MSMB: variants seen among roughly 807,000 people sequenced by gnomAD.
MSMB encodes the protein beta-microseminoprotein.
MSMB carries 10 observed loss-of-function variants against 10.5 expected under a neutral mutation model. The ratio of observed to expected loss-of-function variants is 0.95; its 90% CI spans 0.59 to 1.62. The LOEUF (loss-of-function observed/expected upper bound fraction) is 1.62, where lower values mean the gene tolerates loss of function less well. Ranked by LOEUF, MSMB falls within the 40% of genes most tolerant of loss-of-function variation. The pLI, the probability that MSMB is intolerant of heterozygous loss-of-function variation, is 0.00. For missense variants in MSMB, 126 were observed against 137.4 expected (o/e 0.92, Z 0.42); for synonymous variants, 43 against 46.5 (o/e 0.93, Z 0.30).
intron 3 of MSMB, among the ~76,000 whole-genome samples, chr10:46,038,308 GAC>G (rs1269126619): frequency 6.7e-6 from 1 of 149,062 alleles, no homozygotes; most frequent in African/African-American, 2.5e-5. Context: ...TTTTTTTTTA[GAC>G]ACAGTCTCGC....
chr10:46,043,835 T>G (rs1356763369), intron 1 of MSMB, among the ~76,000 whole-genome samples: 1 of 152,074 alleles, frequency 6.6e-6, no homozygotes, highest in Non-Finnish European at 1.5e-5. Context: ...CCACCACACC[T>G]GGCTAATTTT....
Position 46,046,222 on chromosome 10 carries a change from A to G in MSMB, c.3+13T>C. The G allele has an allele frequency of 6.2e-7, 1 of 1,610,960 alleles. No individual in the cohort carries two copies. Among genetic ancestry groups the G allele is most frequent in the Admixed American group, 1.7e-5 (1 of 60,006 alleles). On this transcript the variant is annotated intron_variant, in intron 1 of 3. Transcript: ENST00000582163. ...TGCTTTTCTAGCCTTTATATATAAA[A>G]CCAGTTACCTACCATTGTGATAAGC...
intron 1 of MSMB, among the ~76,000 whole-genome samples, chr10:46,041,037 G>A (rs1207507116): frequency 5.3e-5 from 8 of 151,754 alleles, no homozygotes; most frequent in Non-Finnish European, 1.2e-4. Flanking sequence ...CCTGATTATA[G>A]ACTCACAAGT....
intron 1 of MSMB, among the ~76,000 whole-genome samples, chr10:46,040,527 C>G (rs888190846): frequency 2.6e-5 from 4 of 152,190 alleles, no homozygotes; most frequent in Admixed American, 2.0e-4. Context: ...TAGCCAAATG[C>G]CCAACAGGCC....
chr10:46,043,971 A>G (rs892470304), intron 1 of MSMB, among the ~76,000 whole-genome samples: 1 of 151,514 alleles, frequency 6.6e-6, no homozygotes, highest in Non-Finnish European at 1.5e-5. Flanking sequence ...CACCGCGCCC[A>G]ACCAGACAGC....
chr10:46,044,380 T>C (rs937986765), intron 1 of MSMB, among the ~76,000 whole-genome samples: 3 of 149,880 alleles, frequency 2.0e-5, no homozygotes, highest in Admixed American at 1.3e-4. Context: ...ATCGAGACCA[T>C]CCTGGCTAAC....
intron 3 of MSMB, among the ~76,000 whole-genome samples, chr10:46,037,936 C>T (rs1181397029): frequency 1.3e-5 from 2 of 152,146 alleles, no homozygotes; most frequent in Non-Finnish European, 2.9e-5. Context: ...ATGATTCAGC[C>T]TCGAACAAGA....
chr10:46,043,347 A>C (rs782725116), intron 1 of MSMB, among the ~76,000 whole-genome samples: 1 of 152,082 alleles, frequency 6.6e-6, no homozygotes, highest in African/African-American at 2.4e-5. Flanking sequence ...CAAATTATTT[A>C]ATTTTGAGAT....
chr10:46,040,343 A>G (rs1229220392), intron 1 of MSMB, among the ~76,000 whole-genome samples: 1 of 152,180 alleles, frequency 6.6e-6, no homozygotes, highest in Non-Finnish European at 1.5e-5. Flanking sequence ...GAACTTTTGA[A>G]AGGGAAGATG....
intron 1 of MSMB, among the ~76,000 whole-genome samples, chr10:46,044,172 C>T (rs953144097): frequency 2.6e-5 from 4 of 152,100 alleles, no homozygotes; most frequent in Non-Finnish European, 5.9e-5. Flanking sequence ...ATTTAGTAAC[C>T]CTGAGCTCCT....
At chr10:46,043,714 G>A (rs782428424) in intron 1 of MSMB, among the ~76,000 whole-genome samples, 5 of 151,930 alleles carry the variant, frequency 3.3e-5, no homozygotes, top group East Asian at 1.9e-4. Flanking sequence ...TCGTTCTATC[G>A]CCTAGAGTAG....
intron 1 of MSMB, among the ~76,000 whole-genome samples, chr10:46,045,362 T>C (rs1459721025): frequency 6.6e-6 from 1 of 151,850 alleles, no homozygotes; most frequent in African/African-American, 2.4e-5. Context: ...CAAAATCCTA[T>C]CTCTAAAACA....
rs56061175 is a variant in MSMB at position 46,044,575 on chromosome 10, GAAAAAAA to G, written c.3+1653_3+1659del. Among the ~76,000 whole-genome samples, 339 of 38,534 alleles carry G rather than the reference GAAAAAAA, an allele frequency of 8.8e-3. 9 individuals are homozygous for G. Among genetic ancestry groups the G allele is most frequent in the Middle Eastern group, 0.026 (1 of 38 alleles). The allele number at this position is 38,534 out of a possible 152,430, so 25.3% of individuals were successfully genotyped here. A position where few individuals can be genotyped will look rare whatever the true frequency, so the allele number is the denominator to read the frequency against. Reference sequence around the variant, plus strand: ...TGGGCGACAGAGAGACTCCGTCTCAGAAAAAAAAAAAAAAAAAAAAAAAAAAAAGTTG... The same window carrying G: ...TGGGCGACAGAGAGACTCCGTCTCAGAAAAAAAAAAAAAAAAAAAAAGTTG... On this transcript the variant is annotated intron_variant, in intron 1 of 3. Coordinates refer to ENST00000582163, the MANE Select transcript of MSMB (RefSeq NM_002443.4).
intron 1 of MSMB, among the ~76,000 whole-genome samples, chr10:46,043,424 C>T (rs1198152007): frequency 7.0e-6 from 1 of 142,918 alleles, no homozygotes; most frequent in African/African-American, 2.8e-5. Flanking sequence ...TCCCTCCCTC[C>T]CTCCCTTTCT....
At chr10:46,045,938 T>A (rs1554929392) in intron 1 of MSMB, among the ~76,000 whole-genome samples, 1 of 152,214 alleles carries the variant, frequency 6.6e-6, no homozygotes, top group African/African-American at 2.4e-5. Context: ...AATTTCAAAT[T>A]ACTCACATAG....
intron 3 of MSMB, among the ~76,000 whole-genome samples, chr10:46,036,247 G>A (rs1447034528): frequency 4.6e-5 from 7 of 152,220 alleles, no homozygotes; most frequent in East Asian, 1.9e-4. Context: ...TCTGGGCAGC[G>A]TCCCATAGAG....
At chr10:46,040,138 G>T in intron 1 of MSMB, 47 bp from the exon 2 acceptor site, 1 of 1,519,164 alleles carries the variant, frequency 6.6e-7, no homozygotes, top group South Asian at 1.1e-5. Flanking sequence ...TAATTCAAAG[G>T]ATAATCCTTG....
At position 46,038,916 on chromosome 10, in the gene MSMB, T is replaced by C. The variant is rs1840677228; in HGVS notation, c.215+50A>G. The C allele has an allele frequency of 2.0e-6, 3 of 1,494,592 alleles. No homozygotes were observed. In the African/African-American group the frequency reaches 4.2e-5, roughly 21 times the overall value. 92.6% of individuals were successfully genotyped at this position (1,494,592 alleles called of 1,614,324 possible). On this transcript the variant is annotated intron_variant, in intron 3 of 3. Coordinates refer to ENST00000582163, the MANE Select transcript of MSMB (RefSeq NM_002443.4). ...TTTTGCAAGACGGAGTAGCTGTTCC[T>C]CAGAGAACAGCTATGTCCCCCTCTT... is the stretch of plus-strand genomic sequence containing the variant.
At chr10:46,040,341 G>C (rs1343719294) in intron 1 of MSMB, among the ~76,000 whole-genome samples, 1 of 152,152 alleles carries the variant, frequency 6.6e-6, no homozygotes, top group East Asian at 1.9e-4. Context: ...GGGAACTTTT[G>C]AAAGGGAAGA....
Sources: allele counts gnomAD v4.1 joint callset (sites outside exome capture counted in the v4.1 genomes callset), GRCh38; gene constraint gnomAD v4.1.1; transcripts MANE v1.5; gene names NCBI Gene and HGNC (gene_info 2026-07-23, HGNC 2026-07-21).